The following DNAJC21 variants were observed in gnomAD, a reference collection of about 807,000 sequenced individuals.
DNAJC21 encodes the protein DnaJ heat shock protein family (Hsp40) member C21, also known as dnaJ homolog subfamily C member 21.
DNAJC21 carries 63 observed loss-of-function variants against 72.4 expected under a neutral mutation model. The observed-to-expected ratio is 0.87, with a 90% CI of 0.71 to 1.07. The LOEUF is 1.07. Among genes scored for constraint, DNAJC21 ranks in the 50% least tolerant of loss-of-function variants. The pLI is 0.00. For synonymous variants in DNAJC21, 203 were observed against 216.7 expected, an observed-to-expected ratio of 0.94 and a Z score of 0.56; for missense variants, 634 against 644.8, an observed-to-expected ratio of 0.98 and a Z score of 0.18.
At chr5:34,952,117 TAAA>T (rs1330124277) in intron 10 of DNAJC21, 1 of 968,694 alleles carries the variant, frequency 1.0e-6, no homozygotes, top group Non-Finnish European at 1.2e-6. Flanking sequence ...AGTGTTTTTT[TAAA>T]AAATGTGTGT....
chr5:34,934,235 T>C (rs1764694813), intron 2 of DNAJC21, among the ~76,000 whole-genome samples: 1 of 152,126 alleles, frequency 6.6e-6, no homozygotes, highest in Non-Finnish European at 1.5e-5. Flanking sequence ...TTTTCGTTTT[T>C]TGTTTTTTTT....
At position 34,930,045 on chromosome 5, in the gene DNAJC21, G is replaced by T. The variant is rs535621981; in HGVS notation, c.97+129G>T. On this transcript the variant is annotated intron_variant, in intron 1 of 11. Transcript: ENST00000648817. Reference sequence around the variant, plus strand: ...TGGCGGCCTAGGAGCTCCTTGCCCCGCCCGGCCAGTGCCCGGAGCCGCCCT... The same window carrying T: ...TGGCGGCCTAGGAGCTCCTTGCCCCTCCCGGCCAGTGCCCGGAGCCGCCCT... 17 of 645,760 alleles carry T rather than the reference G, an allele frequency of 2.6e-5. No homozygotes were observed. In the East Asian group the frequency reaches 6.0e-4, roughly 23 times the overall value. The allele number at this position is 645,760 out of a possible 1,614,324, so 40.0% of individuals were successfully genotyped here.
intron 2 of DNAJC21, 117 bp from the exon 3 acceptor site, chr5:34,935,593 T>C: frequency 7.7e-7 from 1 of 1,299,904 alleles, no homozygotes; most frequent in African/African-American, 1.5e-5. Flanking sequence ...TTTTTGGTTA[T>C]GGATTGGACA....
intron 2 of DNAJC21, 127 bp from the exon 3 acceptor site, chr5:34,935,583 T>G (rs964874045): frequency 2.6e-5 from 27 of 1,056,838 alleles, no homozygotes; most frequent in Middle Eastern, 3.0e-4. Flanking sequence ...TCATTAAAAA[T>G]TTTTGGTTAT....
Position 34,937,426 on chromosome 5 carries a change from A to C in DNAJC21, c.539A>C (p.Glu180Ala). ...YDTRQASNRW[E>A]KRAMEKENKK... ...ACACGACAGGCTTCAAACCGCTGGG[A>C]AAAACGAGCCATGGAAAAAGAAAAC... Residue 180 changes from glutamate to alanine, a missense_variant, in exon 5 of 12, where the codon GAA (glutamate) becomes GCA (alanine). By Grantham distance (107) the Glu-to-Ala change is moderately radical (BLOSUM62 -1). Transcript: ENST00000648817. 1 of 1,614,198 alleles carries C rather than the reference A, an allele frequency of 6.2e-7. No individual in the cohort carries two copies. The highest frequency in any genetic ancestry group is 1.1e-5 in the South Asian group (1 of 91,086).
intron 2 of DNAJC21, among the ~76,000 whole-genome samples, chr5:34,935,032 T>C (rs1309878478): frequency 6.6e-6 from 1 of 152,224 alleles, no homozygotes; most frequent in South Asian, 2.1e-4. Flanking sequence ...TCCTTGGGAT[T>C]CCTTTGTCTT....
At position 34,937,451 on chromosome 5, in the gene DNAJC21, C is replaced by G; in HGVS notation, c.564C>G (p.Asn188Lys). The change falls in exon 5 of 12, where the codon AAC becomes AAG. Residue 188 changes from asparagine (N) to lysine (K), a missense_variant. Transcript: ENST00000648817. ...AAAAACGAGCCATGGAAAAAGAAAA[C>G]AAAAAGATTCGGGACAAAGCAAGGA... ...RWEKRAMEKE[N>K]KKIRDKARKE... 6.2e-7 allele frequency: 1 copy of G among 1,614,008 alleles called. No individual in the cohort carries two copies. Among genetic ancestry groups the G allele is most frequent in the Non-Finnish European group, 8.5e-7 (1 of 1,179,958 alleles).
At position 34,929,833 on chromosome 5, in the gene DNAJC21, A is replaced by G. The variant is rs753268713; in HGVS notation, c.14A>G (p.Tyr5Cys). The stretch of plus-strand genomic sequence containing the variant: ...CCCGGTCGGGCGATGAAGTGTCACT[A>G]TGAGGCGCTGGGGGTGCGGCGCGAC... MKCH[Y>C]EALGVRRDAS... is the part of the protein sequence containing the mutation. The change falls in exon 1 of 12, where the codon TAT becomes TGT. Residue 5 changes from tyrosine (Y) to cysteine (C), a missense_variant. By Grantham distance (194) the Tyr-to-Cys change is radical. Transcript: ENST00000648817. 9 of 1,552,184 alleles carry G rather than the reference A, an allele frequency of 5.8e-6. No individual in the cohort carries two copies. The highest frequency in any genetic ancestry group is 1.9e-4 in the Middle Eastern group (1 of 5,384).
At chr5:34,951,860 G>A (rs1018557815) in intron 10 of DNAJC21, 1 of 985,458 alleles carries the variant, frequency 1.0e-6, no homozygotes, top group African/African-American at 1.7e-5. Context: ...ATCTGGGGAG[G>A]AAGAAGGGTT....
At chr5:34,933,790 A>G (rs2112023881) in intron 1 of DNAJC21, 25 bp from the exon 2 acceptor site, 1 of 1,599,714 alleles carries the variant, frequency 6.3e-7, no homozygotes, top group East Asian at 2.2e-5. Context: ...TTTTTGATTG[A>G]CTTAAATTTC....
intron 7 of DNAJC21, among the ~76,000 whole-genome samples, chr5:34,942,177 C>T (rs1458764124): frequency 1.3e-5 from 2 of 152,188 alleles, no homozygotes; most frequent in Non-Finnish European, 1.5e-5. Flanking sequence ...GTCAGACTCA[C>T]TTCCCACCAT....
intron 6 of DNAJC21, among the ~76,000 whole-genome samples, chr5:34,940,593 C>T (rs764676235): frequency 6.6e-6 from 1 of 151,882 alleles, no homozygotes; most frequent in Non-Finnish European, 1.5e-5. Context: ...GTAATAAAGC[C>T]AAAAGCTTAT....
At chr5:34,953,766 G>A (rs1406083630) in intron 10 of DNAJC21, 160 bp from the exon 11 acceptor site, 1 of 428,196 alleles carries the variant, frequency 2.3e-6, no homozygotes, top group Non-Finnish European at 4.1e-6. Context: ...TTTTAAAGAT[G>A]TTCATTTAAG....
At chr5:34,933,355 T>C (rs922149668) in intron 1 of DNAJC21, among the ~76,000 whole-genome samples, 1 of 152,212 alleles carries the variant, frequency 6.6e-6, no homozygotes, top group Non-Finnish European at 1.5e-5. Context: ...CACTACAACC[T>C]CTGCTTCTTG....
Position 34,941,123 on chromosome 5 carries a change from C to G in DNAJC21, c.923C>G (p.Ala308Gly). 1 of 1,614,146 alleles carries G rather than the reference C, an allele frequency of 6.2e-7. No individual in the cohort carries two copies. Among genetic ancestry groups the G allele is most frequent in the South Asian group, 1.1e-5 (1 of 91,080 alleles). The change falls in exon 7 of 12, where the codon GCT becomes GGT. Residue 308 changes from alanine to glycine, a missense_variant. Physicochemically the swap from Ala to Gly is moderately conservative, Grantham distance 60. Transcript: ENST00000648817. ...AAAGACAGTGATGAGGCCGAGGACG[C>G]TGAGCTCTATGATGACCTTTACTGC... ...DGKDSDEAED[A>G]ELYDDLYCPA...
chr5:34,935,847 A>C lies in DNAJC21; in HGVS notation c.315+14A>C, dbSNP rs772463382. ...GATGATGAAAAGGTAAGATAAATGA[A>C]CTCACCCTTGATTTCTCATCAAGTA... On this transcript the variant is annotated intron_variant, in intron 3 of 11. Transcript: ENST00000648817. The C allele has an allele frequency of 3.7e-6, 6 of 1,613,532 alleles. No individual in the cohort carries two copies. The East Asian group carries it at 6.7e-5, about 18-fold the overall frequency.
intron 1 of DNAJC21, among the ~76,000 whole-genome samples, chr5:34,933,426 C>G (rs1014246950): frequency 6.6e-6 from 1 of 152,180 alleles, no homozygotes; most frequent in Non-Finnish European, 1.5e-5. Context: ...CATGCGCCAC[C>G]ACACTGGGCT....
At chr5:34,948,447 TCAAGATCCAG>T (rs543141805) in intron 9 of DNAJC21, among the ~76,000 whole-genome samples, 134 of 152,310 alleles carry the variant, frequency 8.8e-4, no homozygotes, top group African/African-American at 3.1e-3. Context: ...TTAGAAGTAC[TCAAGATCCAG>T]CTTGCGGGGC....
chr5:34,950,606 C>T, intron 10 of DNAJC21: 2 of 1,082,646 alleles, frequency 1.8e-6, no homozygotes, highest in Non-Finnish European at 2.2e-6. Flanking sequence ...TCTTGTTTAC[C>T]TTATCCTGCT....
Sources: allele counts gnomAD v4.1 joint callset (sites outside exome capture counted in the v4.1 genomes callset), GRCh38; gene constraint gnomAD v4.1.1; transcripts MANE v1.5; gene names NCBI Gene and HGNC (gene_info 2026-07-23, HGNC 2026-07-21).